The following MITF variants were observed in gnomAD, a reference collection of about 807,000 sequenced individuals.
MITF encodes the protein microphthalmia-associated transcription factor.
In MITF, 17 loss-of-function variants were observed where a neutral mutation model predicts 60.5. The ratio of observed to expected loss-of-function variants is 0.28; its 90% CI spans 0.19 to 0.42. MITF has a LOEUF of 0.42. MITF is among the 10% of genes least tolerant of loss of function. The pLI, the probability that MITF is intolerant of heterozygous loss-of-function variation, is 1.00. For synonymous variants in MITF, 260 were observed against 248.5 expected, an observed-to-expected ratio of 1.05 and a Z score of -0.43; for missense variants, 622 against 683.5, an observed-to-expected ratio of 0.91 and a Z score of 1.00.
intron 1 of MITF, among the ~76,000 whole-genome samples, chr3:69,841,143 G>A (rs957463767): frequency 1.3e-5 from 2 of 152,134 alleles, no homozygotes; most frequent in African/African-American, 4.8e-5. Flanking sequence ...TCACCTTTTA[G>A]TAGATGAGAA....
chr3:69,861,242 T>C (rs965027186), intron 1 of MITF, among the ~76,000 whole-genome samples: 1 of 152,218 alleles, frequency 6.6e-6, no homozygotes, highest in African/African-American at 2.4e-5. Flanking sequence ...CCTTTTTTCA[T>C]TTTTGTCAGT....
rs545996753 is a variant in MITF at position 69,748,928 on chromosome 3, T to C, written c.104+9227T>C. The stretch of plus-strand genomic sequence containing the variant: ...TCACTTAGCCTGGTGGCTGTGGTTA[T>C]ATATGAAATTACGAAATGACAGACA... On this transcript the variant is annotated intron_variant, in intron 1 of 9. Coordinates refer to ENST00000352241, the MANE Select transcript of MITF (RefSeq NM_001354604.2). 5.9e-5 allele frequency among the ~76,000 whole-genome samples: 9 copies of C among 152,340 alleles called. No individual in the cohort carries two copies. The South Asian group carries it at 1.7e-3, about 28-fold the overall frequency.
chr3:69,863,966 ACT>A (rs1352866765), intron 1 of MITF, among the ~76,000 whole-genome samples: 1 of 151,206 alleles, frequency 6.6e-6, no homozygotes, highest in Non-Finnish European at 1.5e-5. Flanking sequence ...TGTTTTTTTC[ACT>A]CTGTCTCATT....
chr3:69,744,595 A>G (rs1404531114), intron 1 of MITF, among the ~76,000 whole-genome samples: 1 of 152,224 alleles, frequency 6.6e-6, no homozygotes, highest in Non-Finnish European at 1.5e-5. Flanking sequence ...GCTGACACAT[A>G]GTAAATGCTC....
chr3:69,813,338 G>A (rs1251879390), intron 1 of MITF, among the ~76,000 whole-genome samples: 1 of 152,166 alleles, frequency 6.6e-6, no homozygotes, highest in Non-Finnish European at 1.5e-5. Flanking sequence ...TACACCAAGT[G>A]GAATAAGTCT....
At chr3:69,868,522 G>A (rs1049763424) in intron 1 of MITF, among the ~76,000 whole-genome samples, 14 of 152,100 alleles carry the variant, frequency 9.2e-5, no homozygotes, top group African/African-American at 3.1e-4. Context: ...ACTCATTTGA[G>A]CTCTTGAGGG....
intron 2 of MITF, among the ~76,000 whole-genome samples, chr3:69,905,357 A>G (rs2065075694): frequency 6.6e-6 from 1 of 151,744 alleles, no homozygotes; most frequent in South Asian, 2.1e-4. Context: ...ATATAGGCAG[A>G]CCACAGTTTT....
chr3:69,841,408 G>T (rs535079935), intron 1 of MITF, among the ~76,000 whole-genome samples: 72 of 152,332 alleles, frequency 4.7e-4, no homozygotes, highest in Non-Finnish European at 8.5e-4. Context: ...AGTGCAGGAT[G>T]CAATTCTTGA....
chr3:69,867,351 T>A (rs189982894), intron 1 of MITF, among the ~76,000 whole-genome samples: 264 of 152,282 alleles, frequency 1.7e-3, no homozygotes, highest in African/African-American at 5.1e-3. Flanking sequence ...ATAATTACCA[T>A]AAGTTTAAGT....
chr3:69,862,446 T>A (rs181252187), intron 1 of MITF, among the ~76,000 whole-genome samples: 1 of 152,162 alleles, frequency 6.6e-6, no homozygotes, highest in Non-Finnish European at 1.5e-5. Flanking sequence ...GAAGTATGAG[T>A]TTACTGGAAA....
At chr3:69,789,036 A>G (rs1198071283) in intron 1 of MITF, among the ~76,000 whole-genome samples, 1 of 152,336 alleles carries the variant, frequency 6.6e-6, no homozygotes, top group East Asian at 1.9e-4. Flanking sequence ...TGAACTTAGC[A>G]ATGATTTATT....
intron 1 of MITF, among the ~76,000 whole-genome samples, chr3:69,815,539 C>T (rs11916348): frequency 0.32 from 48,144 of 152,068 alleles, 9,030 homozygotes; most frequent in Non-Finnish European, 0.42. Context: ...TTCTTTTCTC[C>T]GGCTTACTTT....
At chr3:69,790,659 A>T (rs1168628352) in intron 1 of MITF, among the ~76,000 whole-genome samples, 1 of 152,192 alleles carries the variant, frequency 6.6e-6, no homozygotes, top group African/African-American at 2.4e-5. Context: ...AATAGTGGTC[A>T]ATATTTTTTA....
At chr3:69,823,036 G>A (rs565359939) in intron 1 of MITF, among the ~76,000 whole-genome samples, 8 of 151,802 alleles carry the variant, frequency 5.3e-5, no homozygotes, top group South Asian at 2.1e-4. Context: ...ATGCCACCAC[G>A]CCTGGCTAAT....
At chr3:69,936,511 C>A in intron 2 of MITF, 1 of 1,186,706 alleles carries the variant, frequency 8.4e-7, no homozygotes, top group South Asian at 2.4e-5. Context: ...AAAAAAAAGG[C>A]CCTTATGTGA....
At chr3:69,836,436 G>A (rs1489220194) in intron 1 of MITF, among the ~76,000 whole-genome samples, 1 of 152,150 alleles carries the variant, frequency 6.6e-6, no homozygotes, top group African/African-American at 2.4e-5. Flanking sequence ...AATTTAACCA[G>A]ATGTCTGGTA....
intron 1 of MITF, among the ~76,000 whole-genome samples, chr3:69,851,825 A>G (rs1220084908): frequency 6.6e-6 from 1 of 152,298 alleles, no homozygotes; most frequent in East Asian, 1.9e-4. Context: ...AAGGAGATGA[A>G]AACATTTACC....
chr3:69,915,366 A>G (rs2065310844), intron 2 of MITF, among the ~76,000 whole-genome samples: 1 of 152,124 alleles, frequency 6.6e-6, no homozygotes. Flanking sequence ...TCCTTTAAAC[A>G]CAAGAATATA....
chr3:69,922,968 G>T (rs1458459465), intron 2 of MITF, among the ~76,000 whole-genome samples: 1 of 152,174 alleles, frequency 6.6e-6, no homozygotes, highest in Non-Finnish European at 1.5e-5. Context: ...GCTGGCTTGA[G>T]GGGCTGATTC....
Sources: allele counts gnomAD v4.1 joint callset (sites outside exome capture counted in the v4.1 genomes callset), GRCh38; gene constraint gnomAD v4.1.1; transcripts MANE v1.5; gene names NCBI Gene and HGNC (gene_info 2026-07-23, HGNC 2026-07-21).